Variants in CNTN5 observed in about 807,000 individuals in gnomAD.
The protein encoded by CNTN5 is contactin 5.
A neutral mutation model predicts 129.1 loss-of-function variants in CNTN5; 77 were observed. That is an observed-to-expected ratio of 0.60 (90% confidence interval 0.50 to 0.72). CNTN5 has a LOEUF of 0.72. Among genes scored for constraint, CNTN5 ranks in the 30% least tolerant of loss-of-function variants. The pLI is 0.00. For missense variants in CNTN5, 1,478 were observed against 1,328.8 expected, an observed-to-expected ratio of 1.11 and a Z score of -1.75; for synonymous variants, 509 against 465.6, an observed-to-expected ratio of 1.09 and a Z score of -1.20.
At chr11:99,936,522 A>C (rs1391857876) in intron 7 of CNTN5, among the ~76,000 whole-genome samples, 1 of 152,204 alleles carries the variant, frequency 6.6e-6, no homozygotes, top group African/African-American at 2.4e-5. Context: ...GATGAGAAGA[A>C]ATCCAGACTA....
intron 1 of CNTN5, among the ~76,000 whole-genome samples, chr11:99,214,931 C>T (rs1184354247): frequency 1.3e-5 from 2 of 151,956 alleles, no homozygotes; most frequent in African/African-American, 4.8e-5. Flanking sequence ...TAGTTATTCT[C>T]AAGTAAGTCT....
intron 13 of CNTN5, among the ~76,000 whole-genome samples, chr11:100,109,703 A>G (rs1218029888): frequency 6.6e-6 from 1 of 152,260 alleles, no homozygotes; most frequent in African/African-American, 2.4e-5. Flanking sequence ...GCACAAAAGT[A>G]TTATGCACTT....
At chr11:100,020,535 T>A (rs994355444) in intron 9 of CNTN5, among the ~76,000 whole-genome samples, 20 of 152,094 alleles carry the variant, frequency 1.3e-4, no homozygotes, top group Non-Finnish European at 1.6e-4. Context: ...TGTTATAACT[T>A]TGTGGTAGAT....
intron 6 of CNTN5, among the ~76,000 whole-genome samples, chr11:99,874,301 G>C (rs1373944628): frequency 6.6e-6 from 1 of 152,136 alleles, no homozygotes; most frequent in Non-Finnish European, 1.5e-5. Flanking sequence ...GAAAACTTAA[G>C]TTATTTGACT....
chr11:99,090,491 T>A (rs1358312084), intron 1 of CNTN5, among the ~76,000 whole-genome samples: 1 of 152,098 alleles, frequency 6.6e-6, no homozygotes, highest in African/African-American at 2.4e-5. Flanking sequence ...TTGTGAAGTT[T>A]TAAAATTATT....
intron 16 of CNTN5, among the ~76,000 whole-genome samples, chr11:100,234,775 A>G (rs560829195): frequency 1.4e-5 from 2 of 146,690 alleles, no homozygotes; most frequent in Admixed American, 1.4e-4. Flanking sequence ...CACATTCTGC[A>G]CATGTATCCC....
rs61759482 is a variant in CNTN5 at position 100,074,251 on chromosome 11, A to G, written c.1537A>G (p.Ile513Val). Residue 513 changes from isoleucine (I) to valine (V), a missense_variant, in exon 13 of 25, where the codon ATC becomes GTC. Coordinates refer to ENST00000524871, the MANE Select transcript of CNTN5 (RefSeq NM_014361.4). ...CKPQGSPKPTISWKKGDRAVR... is the reference protein window; with the variant it reads ...CKPQGSPKPTVSWKKGDRAVR... The stretch of plus-strand genomic sequence containing the variant: ...ACCCCAAGGCTCTCCAAAACCAACC[A>G]TCTCTTGGAAGAAAGGAGACAGAGC... 1.1e-4 allele frequency: 183 copies of G among 1,610,352 alleles called. No individual in the cohort carries two copies. Among genetic ancestry groups the G allele is most frequent in the Non-Finnish European group, 1.5e-4 (176 of 1,178,026 alleles).
chr11:100,240,727 G>C (rs1476053176), intron 16 of CNTN5, among the ~76,000 whole-genome samples: 1 of 152,134 alleles, frequency 6.6e-6, no homozygotes, highest in African/African-American at 2.4e-5. Context: ...AATTTATACT[G>C]CAGAAGAAGA....
intron 3 of CNTN5, among the ~76,000 whole-genome samples, chr11:99,624,723 G>A (rs539049246): frequency 6.6e-6 from 1 of 152,134 alleles, no homozygotes; most frequent in Non-Finnish European, 1.5e-5. Context: ...AGGCAGCACG[G>A]TTATTAAGCT....
At chr11:99,563,875 T>A (rs574604093) in intron 3 of CNTN5, among the ~76,000 whole-genome samples, 3 of 152,290 alleles carry the variant, frequency 2.0e-5, no homozygotes, top group African/African-American at 7.2e-5. Context: ...TAATATTTCA[T>A]TGGACAAAGC....
intron 1 of CNTN5, among the ~76,000 whole-genome samples, chr11:99,277,102 T>C (rs1863476038): frequency 6.6e-6 from 1 of 151,718 alleles, no homozygotes; most frequent in Non-Finnish European, 1.5e-5. Flanking sequence ...AAATCTTTGC[T>C]AATCATATAC....
At chr11:100,249,552 A>G (rs1465807815) in intron 16 of CNTN5, among the ~76,000 whole-genome samples, 2 of 152,222 alleles carry the variant, frequency 1.3e-5, no homozygotes, top group African/African-American at 2.4e-5. Flanking sequence ...ATTACTGGCC[A>G]TTTGACACTG....
rs150154457 is a variant in CNTN5, at chr11:99,251,767, A to G, written c.-209-73579A>G. Reference sequence around the variant, plus strand: ...TAACATTTTTAAATTTTTTTCATGTATGGTAGTAACATGTGTTTTCCATAC... The same window carrying G: ...TAACATTTTTAAATTTTTTTCATGTGTGGTAGTAACATGTGTTTTCCATAC... On this transcript the variant is annotated intron_variant, in intron 1 of 24. Transcript: ENST00000524871. 1.2e-4 allele frequency among the ~76,000 whole-genome samples: 18 copies of G among 152,108 alleles called. No individual in the cohort carries two copies. The East Asian group carries it at 1.9e-3, about 16-fold the overall frequency.
chr11:100,023,245 T>C (rs1941254936), intron 9 of CNTN5, among the ~76,000 whole-genome samples: 1 of 152,220 alleles, frequency 6.6e-6, no homozygotes, highest in Admixed American at 6.5e-5. Flanking sequence ...TATCCTCAAA[T>C]TTACTAATTT....
intron 13 of CNTN5, among the ~76,000 whole-genome samples, chr11:100,097,493 A>G (rs2112068): frequency 0.4 from 60,830 of 151,960 alleles, 12,704 homozygotes; most frequent in East Asian, 0.66. Context: ...GCAAAAGTGA[A>G]AAAAACAAAA....
chr11:99,587,201 A>G (rs1023445547), intron 3 of CNTN5, among the ~76,000 whole-genome samples: 2 of 152,192 alleles, frequency 1.3e-5, no homozygotes, highest in African/African-American at 4.8e-5. Flanking sequence ...GTCTCTGACA[A>G]CAGAGAGAGA....
chr11:99,992,866 A>G (rs1267513176), intron 8 of CNTN5, among the ~76,000 whole-genome samples: 1 of 152,206 alleles, frequency 6.6e-6, no homozygotes, highest in Non-Finnish European at 1.5e-5. Context: ...GTCATCTTCT[A>G]ATGGCACGTA....
At chr11:99,492,468 T>G (rs763298194) in intron 2 of CNTN5, among the ~76,000 whole-genome samples, 2 of 152,188 alleles carry the variant, frequency 1.3e-5, no homozygotes, top group Admixed American at 6.5e-5. Context: ...ATGACTAATA[T>G]AACATATTCA....
At chr11:99,883,591 C>A (rs1204099568) in intron 6 of CNTN5, among the ~76,000 whole-genome samples, 4 of 152,104 alleles carry the variant, frequency 2.6e-5, no homozygotes, top group African/African-American at 9.7e-5. Flanking sequence ...TATGAAGAGT[C>A]CCTATTAAAC....
Sources: allele counts gnomAD v4.1 joint callset (sites outside exome capture counted in the v4.1 genomes callset), GRCh38; gene constraint gnomAD v4.1.1; transcripts MANE v1.5; gene names NCBI Gene and HGNC (gene_info 2026-07-23, HGNC 2026-07-21).